The following PCDHA3 variants were observed in gnomAD, a reference collection of about 807,000 sequenced individuals.
The protein encoded by PCDHA3 is protocadherin alpha 3.
PCDHA3 carries 41 observed loss-of-function variants against 62.2 expected under a neutral mutation model. That is an observed-to-expected ratio of 0.66 (90% CI 0.51 to 0.86). The LOEUF (loss-of-function observed/expected upper bound fraction) is 0.86. PCDHA3 is among the 40% of genes least tolerant of loss of function. The pLI is 0.00. For synonymous variants in PCDHA3, 640 were observed against 555.4 expected, an observed-to-expected ratio of 1.15 and a Z score of -2.14; for missense variants, 1,304 against 1,241.2, an observed-to-expected ratio of 1.05 and a Z score of -0.76.
intron 1 of PCDHA3, chr5:140,927,810 G>A: frequency 2.5e-6 from 4 of 1,614,200 alleles, no homozygotes; most frequent in Non-Finnish European, 3.4e-6. Flanking sequence ...AAACGCTCTT[G>A]GAGGCATACA....
At chr5:140,879,799 G>C (rs1165330277) in intron 1 of PCDHA3, among the ~76,000 whole-genome samples, 5 of 152,188 alleles carry the variant, frequency 3.3e-5, no homozygotes, top group Non-Finnish European at 7.3e-5. Flanking sequence ...GTTTCTTCCA[G>C]TTTCTATTGG....
intron 1 of PCDHA3, among the ~76,000 whole-genome samples, chr5:140,898,811 C>T (rs1277456601): frequency 6.6e-6 from 1 of 152,190 alleles, no homozygotes; most frequent in Non-Finnish European, 1.5e-5. Context: ...ACTGATTCTT[C>T]CTACCCATGA....
rs1231856848 is a variant in PCDHA3 at position 141,000,389 on chromosome 5, CTCTCTCTA to C, written c.2543-9236_2543-9229del. 6.2e-3 allele frequency among the ~76,000 whole-genome samples: 389 copies of C among 62,448 alleles called. 3 individuals are homozygous for C. Among genetic ancestry groups the C allele is most frequent in the East Asian group, 0.011 (21 of 1,838 alleles). The allele number at this position is 62,448 out of a possible 152,430, so 41.0% of individuals were successfully genotyped here. A position where few individuals can be genotyped will look rare whatever the true frequency, so the allele number is the denominator to read the frequency against. ...TCTCTCTCTCTCTCTCTCTCTCTCT[CTCTCTCTA>C]TATATATATATATATATATATATAT... is the stretch of plus-strand genomic sequence containing the variant. On this transcript the variant is annotated intron_variant, in intron 3 of 3. Coordinates refer to ENST00000522353, the MANE Select transcript of PCDHA3 (RefSeq NM_018906.3).
At chr5:140,804,716 T>A (rs1352087005) in intron 1 of PCDHA3, 1 of 175,340 alleles carries the variant, frequency 5.7e-6, no homozygotes, top group African/African-American at 2.4e-5. Flanking sequence ...GTAGACTTTT[T>A]TCTAATCACT....
Position 140,829,328 on chromosome 5 carries a change from C to G in PCDHA3, c.2394+25737C>G, listed in dbSNP as rs2150165969. 2.5e-6 allele frequency: 4 copies of G among 1,614,244 alleles called. No individual in the cohort carries two copies. In the Admixed American group the frequency reaches 6.7e-5, roughly 27 times the overall value. ...CTACTCGTTGGTGCTGGACAGTGCC[C>G]TGGACCGCGAGAGCGTGTCGGCCTA... On this transcript the variant is annotated intron_variant, in intron 1 of 3. Coordinates refer to ENST00000522353, the MANE Select transcript of PCDHA3 (RefSeq NM_018906.3).
chr5:140,857,728 C>T lies in PCDHA3; in HGVS notation c.2394+54137C>T, dbSNP rs781841380. ...TGTTCGTGCTGGACGAGAACGACAACGCTCCCGCGCTGCTGGCGTCTCCCG... is the reference window on the plus strand; with the variant it reads ...TGTTCGTGCTGGACGAGAACGACAATGCTCCCGCGCTGCTGGCGTCTCCCG... On this transcript the variant is annotated intron_variant, in intron 1 of 3. Transcript: ENST00000522353. 5.6e-6 allele frequency: 9 copies of T among 1,597,306 alleles called. 1 individual carries two copies. Among genetic ancestry groups the T allele is most frequent in the Non-Finnish European group, 5.1e-6 (6 of 1,167,718 alleles).
intron 1 of PCDHA3, among the ~76,000 whole-genome samples, chr5:140,879,880 C>T (rs1162426271): frequency 6.6e-6 from 1 of 152,172 alleles, no homozygotes; most frequent in Admixed American, 6.5e-5. Flanking sequence ...GGTCACATTG[C>T]CTCCTCCTCT....
intron 1 of PCDHA3, chr5:140,870,786 G>T: frequency 6.2e-7 from 1 of 1,613,634 alleles, no homozygotes; most frequent in East Asian, 2.2e-5. Context: ...ACGACAACGC[G>T]CCGGCACTGC....
chr5:140,870,879 G>A (rs1554164779), intron 1 of PCDHA3: 1 of 1,613,952 alleles, frequency 6.2e-7, no homozygotes, highest in East Asian at 2.2e-5. Flanking sequence ...TGGTGGCGAA[G>A]GTGCGCGCAG....
intron 1 of PCDHA3, chr5:140,847,908 G>GA (rs1781243809): frequency 6.7e-6 from 1 of 149,496 alleles, no homozygotes; most frequent in Non-Finnish European, 1.5e-5. Context: ...AGATTTCTGG[G>GA]CTCCTATATT....
intron 1 of PCDHA3, chr5:140,835,513 G>C: frequency 3.1e-6 from 5 of 1,613,936 alleles, no homozygotes; most frequent in Non-Finnish European, 4.2e-6. Context: ...GTGTTTGACC[G>C]AGATTTTGGA....
chr5:140,832,712 T>C (rs1357328899), intron 1 of PCDHA3, among the ~76,000 whole-genome samples: 1 of 152,102 alleles, frequency 6.6e-6, no homozygotes. Flanking sequence ...ATTTAATAGA[T>C]AAATAAAGGT....
intron 1 of PCDHA3, among the ~76,000 whole-genome samples, chr5:140,941,438 C>G (rs1408570275): frequency 6.6e-6 from 1 of 150,766 alleles, no homozygotes; most frequent in East Asian, 1.9e-4. Flanking sequence ...GCCTCAGCCT[C>G]GGGAGTAGCT....
At chr5:141,003,039 T>C (rs2098108520) in intron 3 of PCDHA3, among the ~76,000 whole-genome samples, 1 of 152,216 alleles carries the variant, frequency 6.6e-6, no homozygotes, top group Admixed American at 6.5e-5. Flanking sequence ...AAAGCCCTCC[T>C]GGCCTTAACA....
At chr5:140,821,639 G>T (rs1554128143) in intron 1 of PCDHA3, 6 of 1,031,504 alleles carry the variant, frequency 5.8e-6, no homozygotes, top group South Asian at 5.2e-5. Flanking sequence ...GAAAGGAAAA[G>T]AACCTTCCAT....
chr5:140,893,725 C>A (rs782492563), intron 1 of PCDHA3, among the ~76,000 whole-genome samples: 4 of 152,154 alleles, frequency 2.6e-5, no homozygotes, highest in Non-Finnish European at 5.9e-5. Context: ...GCTGAGAAAT[C>A]TGCTGTTAGT....
intron 1 of PCDHA3, among the ~76,000 whole-genome samples, chr5:140,891,720 T>C (rs1159192046): frequency 2.0e-5 from 3 of 152,170 alleles, no homozygotes; most frequent in African/African-American, 4.8e-5. Context: ...CCCAAATTCA[T>C]GTGTTGAAAA....
chr5:140,863,352 G>T (rs568992628), intron 1 of PCDHA3: 16 of 1,288,838 alleles, frequency 1.2e-5, no homozygotes, highest in Non-Finnish European at 1.6e-5. Context: ...TGTACACGAC[G>T]CTGCGGTGCT....
intron 1 of PCDHA3, chr5:140,850,088 A>G (rs2150466412): frequency 3.0e-5 from 48 of 1,596,270 alleles, no homozygotes; most frequent in South Asian, 6.6e-5. Context: ...TGGAGCTGCT[A>G]CAGTTCCAGG....
Sources: gnomAD v4.1 joint callset for allele counts (sites outside exome capture counted in the v4.1 genomes callset) on GRCh38, gnomAD v4.1.1 for gene constraint, MANE v1.5 for transcripts, NCBI Gene and HGNC (gene_info 2026-07-23, HGNC 2026-07-21) for gene names.